IGF1R: variants seen among roughly 807,000 people sequenced by gnomAD.
The protein encoded by IGF1R is insulin-like growth factor 1 receptor.
IGF1R carries 44 observed loss-of-function variants against 144.6 expected under a neutral mutation model. That is an observed-to-expected ratio of 0.30 (90% CI 0.24 to 0.39). The LOEUF is 0.39. Ranked by LOEUF, IGF1R falls within the 10% of genes least tolerant of loss-of-function variation. The probability of loss-of-function intolerance (pLI) is 1.00; values close to 1 mark genes in which losing one functional copy is unlikely to be tolerated. For missense variants in IGF1R, 1,355 were observed against 1,833.7 expected (o/e 0.74, Z 4.77); for synonymous variants, 795 against 722.8 (o/e 1.10, Z -1.60).
intron 1 of IGF1R, among the ~76,000 whole-genome samples, chr15:98,650,196 G>C (rs994103707): frequency 7.9e-5 from 12 of 152,232 alleles, no homozygotes; most frequent in South Asian, 2.1e-4. Flanking sequence ...TGCCCTCGAG[G>C]GGGGAGGTGC....
At chr15:98,726,763 C>T (rs527704554) in intron 2 of IGF1R, among the ~76,000 whole-genome samples, 4 of 147,256 alleles carry the variant, frequency 2.7e-5, no homozygotes, top group Non-Finnish European at 4.5e-5. Context: ...CTTGTCACCC[C>T]GGCTGGAGTG....
chr15:98,685,697 A>C (rs1055693271), intron 1 of IGF1R, among the ~76,000 whole-genome samples: 11 of 152,164 alleles, frequency 7.2e-5, no homozygotes, highest in African/African-American at 2.4e-4. Context: ...TTGAAGATGG[A>C]ACAGGAGTGT....
chr15:98,732,150 G>T (rs1191792031), intron 2 of IGF1R, among the ~76,000 whole-genome samples: 1 of 152,206 alleles, frequency 6.6e-6, no homozygotes, highest in Non-Finnish European at 1.5e-5. Flanking sequence ...AAATGGGAGT[G>T]TGGTGCATAT....
At chr15:98,697,136 G>A (rs2053613543) in intron 1 of IGF1R, among the ~76,000 whole-genome samples, 1 of 152,176 alleles carries the variant, frequency 6.6e-6, no homozygotes, top group African/African-American at 2.4e-5. Flanking sequence ...TGCTGGGACA[G>A]GCTGGAGCCG....
chr15:98,876,498 T>A (rs1311602196), intron 2 of IGF1R, among the ~76,000 whole-genome samples: 1 of 152,144 alleles, frequency 6.6e-6, no homozygotes, highest in Non-Finnish European at 1.5e-5. Flanking sequence ...GCTGGTATAC[T>A]TGTATCAAGT....
chr15:98,722,217 A>T (rs2054262026), intron 2 of IGF1R, among the ~76,000 whole-genome samples: 1 of 152,210 alleles, frequency 6.6e-6, no homozygotes, highest in African/African-American at 2.4e-5. Flanking sequence ...GAGACAACTT[A>T]TGCGGTGTGA....
At chr15:98,852,330 G>A (rs956030380) in intron 2 of IGF1R, among the ~76,000 whole-genome samples, 1 of 152,064 alleles carries the variant, frequency 6.6e-6, no homozygotes, top group Non-Finnish European at 1.5e-5. Context: ...GGTGAGGGAA[G>A]AGGGAGCGGG....
chr15:98,778,437 C>G (rs528953689), intron 2 of IGF1R, among the ~76,000 whole-genome samples: 43 of 152,320 alleles, frequency 2.8e-4, no homozygotes, highest in African/African-American at 9.9e-4. Context: ...CCTTCCACTT[C>G]ACAGATGAGA....
At chr15:98,887,917 G>C (rs1388952339) in intron 2 of IGF1R, among the ~76,000 whole-genome samples, 1 of 152,158 alleles carries the variant, frequency 6.6e-6, no homozygotes, top group Non-Finnish European at 1.5e-5. Context: ...ACTTTCCATG[G>C]TTTCGTATTA....
At chr15:98,892,279 A>C (rs1427785708) in intron 3 of IGF1R, among the ~76,000 whole-genome samples, 2 of 152,142 alleles carry the variant, frequency 1.3e-5, no homozygotes, top group East Asian at 3.9e-4. Flanking sequence ...ATGGCCAGGC[A>C]TGTGGCTCAC....
chr15:98,935,511 C>T lies in IGF1R; in HGVS notation c.3297+85C>T. The T allele has an allele frequency of 1.2e-6, 1 of 831,804 alleles. No individual in the cohort carries two copies. Among genetic ancestry groups the T allele is most frequent in the Non-Finnish European group, 2.0e-6 (1 of 489,066 alleles). 51.5% of individuals were successfully genotyped at this position (831,804 alleles called of 1,614,324 possible). ...ATCTCCCTGCAAGGAAATGCTGTGT[C>T]TTTAAATCAGTTTACTTTCCAGCAT... On this transcript the variant is annotated intron_variant, in intron 17 of 20. Coordinates refer to ENST00000650285, the MANE Select transcript of IGF1R (RefSeq NM_000875.5). The surrounding 1 kb of genome is among the most constrained non-coding windows in gnomAD (Gnocchi z 4.2).
chr15:98,743,201 T>G (rs1489370507), intron 2 of IGF1R, among the ~76,000 whole-genome samples: 1 of 152,208 alleles, frequency 6.6e-6, no homozygotes, highest in Non-Finnish European at 1.5e-5. Flanking sequence ...CGGAAATTCA[T>G]TACTTTTAAA....
At chr15:98,658,619 C>T (rs899615597) in intron 1 of IGF1R, among the ~76,000 whole-genome samples, 2 of 152,124 alleles carry the variant, frequency 1.3e-5, no homozygotes, top group African/African-American at 4.8e-5. Context: ...GATTCCTTTC[C>T]CCCATATGCC....
chr15:98,799,755 G>A (rs984627585), intron 2 of IGF1R, among the ~76,000 whole-genome samples: 86 of 152,176 alleles, frequency 5.7e-4, no homozygotes, highest in African/African-American at 2.1e-3. Flanking sequence ...CTGGGATCGT[G>A]GTGTTAAATT....
chr15:98,855,320 C>T (rs890425471), intron 2 of IGF1R, among the ~76,000 whole-genome samples: 8 of 152,204 alleles, frequency 5.3e-5, no homozygotes, highest in African/African-American at 1.4e-4. Context: ...ACAGACGCCC[C>T]GAGCCTGTCT....
intron 2 of IGF1R, among the ~76,000 whole-genome samples, chr15:98,828,265 G>A (rs1013841347): frequency 6.6e-5 from 10 of 152,070 alleles, no homozygotes; most frequent in African/African-American, 2.2e-4. Context: ...GCTTCAGGAA[G>A]GGCTGCTGTT....
intron 2 of IGF1R, among the ~76,000 whole-genome samples, chr15:98,867,269 G>A (rs1361355907): frequency 6.6e-6 from 1 of 151,994 alleles, no homozygotes; most frequent in Admixed American, 6.5e-5. Flanking sequence ...TCTGAACCTC[G>A]TTCTGTGAAG....
chr15:98,721,080 T>G (rs1164386196), intron 2 of IGF1R, among the ~76,000 whole-genome samples: 1 of 152,206 alleles, frequency 6.6e-6, no homozygotes, highest in African/African-American at 2.4e-5. Context: ...TTGGTGTGCA[T>G]GCATGGTGAG....
chr15:98,829,839 G>T (rs1377081859), intron 2 of IGF1R, among the ~76,000 whole-genome samples: 1 of 152,110 alleles, frequency 6.6e-6, no homozygotes, highest in Non-Finnish European at 1.5e-5. Flanking sequence ...GCTATGTTTT[G>T]GTGAAACCTG....
Sources: allele counts gnomAD v4.1 joint callset (sites outside exome capture counted in the v4.1 genomes callset), GRCh38; gene constraint gnomAD v4.1.1; non-coding constraint Gnocchi (gnomAD v3.1); transcripts MANE v1.5; gene names NCBI Gene and HGNC (gene_info 2026-07-23, HGNC 2026-07-21).